Variants in MRC2 observed in about 807,000 individuals in gnomAD.
The protein encoded by MRC2 is mannose receptor C-type 2, also known as C-type mannose receptor 2.
A neutral mutation model predicts 206.2 loss-of-function variants in MRC2; 84 were observed. The ratio of observed to expected loss-of-function variants is 0.41; its 90% CI spans 0.34 to 0.49. The LOEUF is 0.49. MRC2 is among the 20% of genes least tolerant of loss of function. The pLI, the probability that MRC2 is intolerant of heterozygous loss-of-function variation, is 0.31. For missense variants in MRC2, 1,676 were observed against 2,001.5 expected (o/e 0.84, Z 3.10); for synonymous variants, 798 against 800.0 (o/e 1.00, Z 0.04).
chr17:62,649,843 TTTTG>T (rs1174611934), intron 1 of MRC2, among the ~76,000 whole-genome samples: 19 of 150,780 alleles, frequency 1.3e-4, no homozygotes, highest in Admixed American at 1.3e-3. Context: ...ACATTTTTTG[TTTTG>T]TTTTATTTTG....
In MRC2 at chr17:62,688,521, C is replaced by A. The variant is rs923445563; in HGVS notation, c.3082C>A (p.Pro1028Thr). The change falls in exon 22 of 30, where the codon CCC becomes ACC. Residue 1028 changes from proline to threonine, a missense_variant. Around this residue, in one of 3 missense-constraint regions of MRC2, gnomAD observed 1,354 missense variants for 1,636.6 expected, o/e 0.83. Coordinates refer to ENST00000303375, the MANE Select transcript of MRC2 (RefSeq NM_006039.5). ...LEQAFITASL[P>T]NVTFDLWIGL... Reference sequence around the variant, plus strand: ...CATAGCATTCATCACAGCCAGCCTGCCCAATGTGACCTTTGACCTTTGGAT... The same window carrying A: ...CATAGCATTCATCACAGCCAGCCTGACCAATGTGACCTTTGACCTTTGGAT... 7 of 1,614,230 alleles carry A rather than the reference C, an allele frequency of 4.3e-6. No homozygotes were observed. Among genetic ancestry groups the A allele is most frequent in the Non-Finnish European group, 4.2e-6 (5 of 1,180,038 alleles).
At position 62,678,644 on chromosome 17, in the gene MRC2, C is replaced by T. The variant is rs754601026; in HGVS notation, c.2193C>T (p.Phe731=). ...HFVANMLNKI[F]GESEPEIHEQ... is the part of the protein sequence containing the mutation. Reference sequence around the variant, plus strand: ...TGGCCAACATGCTCAACAAGATCTTCGGGTACTGAGCCGGGCTGAGGCGTG... The same window carrying T: ...TGGCCAACATGCTCAACAAGATCTTTGGGTACTGAGCCGGGCTGAGGCGTG... Residue 731 remains phenylalanine (F), a splice_region_variant and synonymous_variant, in exon 13 of 30, where the codon TTC becomes TTT. Transcript: ENST00000303375. The T allele has an allele frequency of 2.3e-5, 37 of 1,610,868 alleles. No homozygotes were observed. Among genetic ancestry groups the T allele is most frequent in the Admixed American group, 3.4e-5 (2 of 59,444 alleles).
intron 13 of MRC2, among the ~76,000 whole-genome samples, chr17:62,679,196 G>A (rs2088930716): frequency 6.6e-6 from 1 of 152,184 alleles, no homozygotes; most frequent in African/African-American, 2.4e-5. Context: ...CTTCCTGATA[G>A]CTTAATTGAA....
At chr17:62,645,523 ATATATTTTTTTTTTT>A (rs1466831850) in intron 1 of MRC2, among the ~76,000 whole-genome samples, 8 of 40,078 alleles carry the variant, frequency 2.0e-4, no homozygotes, top group Admixed American at 7.3e-4. Flanking sequence ...ATATATATAT[ATATATTTTTTTTTTT>A]TTTTTTTTTT....
chr17:62,678,479 A>G (rs774653960), intron 12 of MRC2, 25 bp from the exon 13 acceptor site: 1 of 1,609,322 alleles, frequency 6.2e-7, no homozygotes, highest in Non-Finnish European at 8.5e-7. Context: ...GGGACAGCTT[A>G]GACAGCTGGA....
chr17:62,643,620 G>A (rs185430825), intron 1 of MRC2, among the ~76,000 whole-genome samples: 4 of 152,306 alleles, frequency 2.6e-5, no homozygotes, highest in Admixed American at 6.5e-5. Context: ...AGATCTGAAC[G>A]GAGTTCACCA....
At chr17:62,685,294 G>A (rs181437456) in intron 20 of MRC2, among the ~76,000 whole-genome samples, 10 of 152,146 alleles carry the variant, frequency 6.6e-5, no homozygotes, top group Non-Finnish European at 8.8e-5. Context: ...ATCAATATTT[G>A]TTATTCTCCT....
Position 62,689,675 on chromosome 17 carries a change from T to A in MRC2, c.3488T>A (p.Val1163Glu). 6.3e-7 allele frequency: 1 copy of A among 1,588,314 alleles called. No homozygotes were observed. The highest frequency in any genetic ancestry group is 8.6e-7 in the Non-Finnish European group (1 of 1,167,616). The stretch of plus-strand genomic sequence containing the variant: ...AGCCGCAATGCCAGCCTGGCCTACG[T>A]GCCCGACCCCTACACCCAGGCCTTC... ...CESRNASLAY[V>E]PDPYTQAFLT... Residue 1163 changes from valine (V) to glutamate (E), a missense_variant, in exon 24 of 30, where the codon GTG (valine) becomes GAG (glutamate). Physicochemically the swap from Val to Glu is moderately radical, Grantham distance 121 (BLOSUM62 -2). This residue lies in a region of MRC2 where 1,354 missense variants were observed against 1,636.6 expected (regional missense o/e 0.83). Transcript: ENST00000303375.
Position 62,689,705 on chromosome 17 carries a change from C to T in MRC2, c.3518C>T (p.Thr1173Met), listed in dbSNP as rs550813168. Residue 1173 changes from threonine to methionine, a missense_variant, in exon 24 of 30, where the codon ACG becomes ATG. Thr to Met is a moderately conservative substitution (Grantham distance 81). This residue lies in a region of MRC2 where 1,354 missense variants were observed against 1,636.6 expected (regional missense o/e 0.83). Transcript: ENST00000303375. ...VPDPYTQAFL[T>M]QAARGLRTPL... ...GACCCCTACACCCAGGCCTTCCTCA[C>T]GCAGGCTGCCCGAGGGCTGCGCACG... is the stretch of plus-strand genomic sequence containing the variant. 19 of 1,573,992 alleles carry T rather than the reference C, an allele frequency of 1.2e-5. No individual in the cohort carries two copies. The highest frequency in any genetic ancestry group is 8.1e-5 in the African/African-American group (6 of 74,522).
chr17:62,674,243 TGAACTCCTGCTGC>T, intron 9 of MRC2, 73 bp downstream of exon 9: 1 of 1,120,342 alleles, frequency 8.9e-7, no homozygotes, highest in Non-Finnish European at 1.3e-6. Context: ...GAGAGGTGGA[TGAACTCCTGCTGC>T]CTCGCATGGC....
rs1290420361 is a variant in MRC2, at chr17:62,674,047, C to T, written c.1462-16C>T. 1 of 1,534,286 alleles carries T rather than the reference C, an allele frequency of 6.5e-7. No homozygotes were observed. Among genetic ancestry groups the T allele is most frequent in the Non-Finnish European group, 8.8e-7 (1 of 1,132,512 alleles). On this transcript the variant is annotated splice_polypyrimidine_tract_variant and intron_variant, in intron 8 of 29. Coordinates refer to ENST00000303375, the MANE Select transcript of MRC2 (RefSeq NM_006039.5). ...GGAGGTGGGGGTTGAGATTCTTCCTCACCCTGTGTCCGTAGGAAGGCCGCT... is the reference window on the plus strand; with the variant it reads ...GGAGGTGGGGGTTGAGATTCTTCCTTACCCTGTGTCCGTAGGAAGGCCGCT...
chr17:62,632,344 G>T (rs931297693), intron 1 of MRC2, among the ~76,000 whole-genome samples: 2 of 151,866 alleles, frequency 1.3e-5, no homozygotes, highest in South Asian at 4.2e-4. Flanking sequence ...CTCTCCTTCC[G>T]CCGCTGGGCA....
chr17:62,665,440 A>C (rs746781365), intron 2 of MRC2, among the ~76,000 whole-genome samples: 2 of 152,086 alleles, frequency 1.3e-5, no homozygotes, highest in Non-Finnish European at 2.9e-5. Context: ...GAAAAGAAAA[A>C]AGAAAAATTA....
At chr17:62,670,609 G>A (rs1282232950) in intron 6 of MRC2, among the ~76,000 whole-genome samples, 1 of 152,258 alleles carries the variant, frequency 6.6e-6, no homozygotes, top group Non-Finnish European at 1.5e-5. Context: ...TGCCTCAGCT[G>A]CCCTCGGATC....
In MRC2 at chr17:62,627,816, G is replaced by A; in HGVS notation, c.14G>A (p.Arg5Gln). The change falls in exon 1 of 30, where the codon CGG (arginine) becomes CAG (glutamine). Residue 5 changes from arginine (R) to glutamine (Q), a missense_variant. Transcript: ENST00000303375. MGPG[R>Q]PAPAPWPRHL... ...CCGCGCTCGGGGATGGGGCCCGGCC[G>A]GCCGGCCCCCGCGCCCTGGCCTCGT... is the stretch of plus-strand genomic sequence containing the variant. The A allele has an allele frequency of 6.9e-7, 1 of 1,446,040 alleles. No homozygotes were observed. Among genetic ancestry groups the A allele is most frequent in the Non-Finnish European group, 9.0e-7 (1 of 1,107,728 alleles). 89.6% of individuals were successfully genotyped at this position (1,446,040 alleles called of 1,614,324 possible). A position where few individuals can be genotyped will look rare whatever the true frequency, so the allele number is the denominator to read the frequency against.
At chr17:62,691,228 G>A (rs1024928678) in intron 28 of MRC2, 100 bp downstream of exon 28, 6 of 1,368,934 alleles carry the variant, frequency 4.4e-6, no homozygotes, top group Admixed American at 2.9e-5. Flanking sequence ...GGGCACAGCC[G>A]ATGGGAAGGC....
intron 10 of MRC2, 91 bp from the exon 11 acceptor site, chr17:62,676,292 G>T: frequency 6.6e-7 from 1 of 1,519,998 alleles, no homozygotes; most frequent in South Asian, 1.2e-5. Flanking sequence ...GTCGGGTGCA[G>T]CACCCGAGCT....
Position 62,672,703 on chromosome 17 carries a change from C to G in MRC2, c.1461+551C>G, listed in dbSNP as rs2088841302. ...AGATGAAAGACCCTTAAAAAAGGGA[C>G]AAAGCCAGCTGAGTGTGGTGGCTCA... On this transcript the variant is annotated intron_variant, in intron 8 of 29. Coordinates refer to ENST00000303375, the MANE Select transcript of MRC2 (RefSeq NM_006039.5). This position sits in a 1 kb window ranked among gnomAD's most constrained non-coding sequence, Gnocchi z 4.5. 6.6e-6 allele frequency among the ~76,000 whole-genome samples: 1 copy of G among 152,120 alleles called. No individual in the cohort carries two copies. Among genetic ancestry groups the G allele is most frequent in the African/African-American group, 2.4e-5 (1 of 41,418 alleles).
chr17:62,678,360 G>A lies in MRC2; in HGVS notation c.2053-144G>A, dbSNP rs2088919505. On this transcript the variant is annotated intron_variant, in intron 12 of 29. Transcript: ENST00000303375. Reference sequence around the variant, plus strand: ...CTCCCCTCCCCAGACCTCTGCAGATGAACAGGATTGTCCTTAGCTAGCCTT... The same window carrying A: ...CTCCCCTCCCCAGACCTCTGCAGATAAACAGGATTGTCCTTAGCTAGCCTT... 2.9e-5 allele frequency: 33 copies of A among 1,157,880 alleles called. No homozygotes were observed. In the Admixed American group the frequency reaches 2.9e-4, roughly 10 times the overall value. 71.7% of individuals were successfully genotyped at this position (1,157,880 alleles called of 1,614,324 possible).
Sources: gnomAD v4.1 joint callset for allele counts (sites outside exome capture counted in the v4.1 genomes callset) on GRCh38, gnomAD v4.1.1 for gene constraint, gnomAD v4.1.1 regional missense constraint, Gnocchi (gnomAD v3.1) non-coding constraint, MANE v1.5 for transcripts, NCBI Gene and HGNC (gene_info 2026-07-23, HGNC 2026-07-21) for gene names.